ATP11A: variants seen among roughly 807,000 people sequenced by gnomAD.
ATP11A encodes the protein phospholipid-transporting ATPase IH.
A neutral mutation model predicts 154.4 loss-of-function variants in ATP11A; 81 were observed. That is an observed-to-expected ratio of 0.52 (90% CI 0.44 to 0.63). ATP11A has a LOEUF of 0.63. Ranked by LOEUF, ATP11A falls within the 30% of genes least tolerant of loss-of-function variation. The pLI, the probability that ATP11A is intolerant of heterozygous loss-of-function variation, is 0.00. For synonymous variants in ATP11A, 623 were observed against 585.9 expected (o/e 1.06, Z -0.91); for missense variants, 1,316 against 1,474.3 (o/e 0.89, Z 1.76).
intron 1 of ATP11A, among the ~76,000 whole-genome samples, chr13:112,759,993 G>A (rs1022285577): frequency 2.0e-5 from 3 of 152,128 alleles, no homozygotes; most frequent in African/African-American, 7.2e-5. Flanking sequence ...AACTGGACAG[G>A]AACCGAAGGA....
At chr13:112,756,850 C>T (rs144409600) in intron 1 of ATP11A, among the ~76,000 whole-genome samples, 2 of 127,416 alleles carry the variant, frequency 1.6e-5, no homozygotes, top group African/African-American at 2.8e-5. Flanking sequence ...GCTCCCAGCG[C>T]GGGGTCTGCT....
intron 25 of ATP11A, among the ~76,000 whole-genome samples, chr13:112,866,020 G>C (rs947493006): frequency 6.6e-6 from 1 of 152,246 alleles, no homozygotes; most frequent in Admixed American, 6.5e-5. Flanking sequence ...GTCTTCCTCT[G>C]TGATGAGTAG....
At chr13:112,762,847 C>T (rs761874132) in intron 1 of ATP11A, among the ~76,000 whole-genome samples, 2 of 152,270 alleles carry the variant, frequency 1.3e-5, no homozygotes, top group Non-Finnish European at 2.9e-5. Flanking sequence ...CCGGGGCACT[C>T]AGTCACGTGT....
In ATP11A at chr13:112,882,748, G is replaced by A. The variant is rs1453617808; in HGVS notation, c.*882G>A. ...TCCATCAGCCACTCGCCAGGGCACGGAGCCGTCAGTCCACTGTTACGGGAG... is the reference window on the plus strand; with the variant it reads ...TCCATCAGCCACTCGCCAGGGCACGAAGCCGTCAGTCCACTGTTACGGGAG... On this transcript the variant is annotated 3_prime_UTR_variant, in exon 30 of 30. Transcript: ENST00000375645. This position sits in a 1 kb window ranked among gnomAD's most constrained non-coding sequence, Gnocchi z 5.1. 5.0e-6 allele frequency: 2 copies of A among 400,020 alleles called. No individual in the cohort carries two copies. Among genetic ancestry groups the A allele is most frequent in the African/African-American group, 2.1e-5 (1 of 48,646 alleles). The allele number at this position is 400,020 out of a possible 1,614,324, so 24.8% of individuals were successfully genotyped here.
At chr13:112,858,514 C>CA (rs1169450031) in intron 22 of ATP11A, 3 of 466,564 alleles carry the variant, frequency 6.4e-6, no homozygotes, top group Admixed American at 7.8e-5. Context: ...CCAAAAATAT[C>CA]AAACGCAAAA....
In ATP11A at chr13:112,804,994, A is replaced by G; in HGVS notation, c.200A>G (p.Glu67Gly). ...FWNFIPKNLF[E>G]QFRRVANFYF... ...AACTTTATACCCAAGAATTTATTTG[A>G]ACAATTCAGAAGAGTAGCCAACTTT... The change falls in exon 3 of 30, where the codon GAA becomes GGA. Residue 67 changes from glutamate to glycine, a missense_variant. Physicochemically the swap from Glu to Gly is moderately conservative, Grantham distance 98. This residue lies in a region of ATP11A where 123 missense variants were observed against 113.7 expected (regional missense o/e 1.08). Coordinates refer to ENST00000375645, the MANE Select transcript of ATP11A (RefSeq NM_015205.3). 6.2e-7 allele frequency: 1 copy of G among 1,611,824 alleles called. No individual in the cohort carries two copies. The highest frequency in any genetic ancestry group is 8.5e-7 in the Non-Finnish European group (1 of 1,179,216).
intron 8 of ATP11A, 114 bp from the exon 9 acceptor site, chr13:112,823,231 C>G: frequency 5.1e-6 from 4 of 779,964 alleles, no homozygotes; most frequent in African/African-American, 3.4e-5. Context: ...ATGCCATCTC[C>G]TCTGAAAATG....
intron 11 of ATP11A, 39 bp downstream of exon 11, chr13:112,825,619 C>T: frequency 1.3e-6 from 2 of 1,553,842 alleles, no homozygotes; most frequent in African/African-American, 2.8e-5. Flanking sequence ...CCGAGGTGAC[C>T]TGTGGGCCAT....
rs1490358265 is a variant in ATP11A at position 112,838,866 on chromosome 13, T to C, written c.1705+2615T>C. Among the ~76,000 whole-genome samples, 3 of 152,176 alleles carry C rather than the reference T, an allele frequency of 2.0e-5. No homozygotes were observed. The South Asian group carries it at 6.2e-4, about 32-fold the overall frequency. ...CAAGGTGTTCTGTAAGTAGTAGTCA[T>C]CCCCGGAGAGGTTCACTAATTGCAC... On this transcript the variant is annotated intron_variant, in intron 16 of 29. Transcript: ENST00000375645. The surrounding 1 kb of genome is among the most constrained non-coding windows in gnomAD (Gnocchi z 7.3).
chr13:112,874,223 G>A (rs1440605175), intron 27 of ATP11A, among the ~76,000 whole-genome samples: 3 of 152,186 alleles, frequency 2.0e-5, no homozygotes, highest in Non-Finnish European at 4.4e-5. Context: ...CAGCAGGCAC[G>A]CAGGCCCGGG....
intron 1 of ATP11A, among the ~76,000 whole-genome samples, chr13:112,781,774 T>G (rs2077505203): frequency 7.4e-6 from 1 of 135,366 alleles, no homozygotes. Flanking sequence ...ATAAACTTGC[T>G]TTCACTTTGC....
At position 112,826,820 on chromosome 13, in the gene ATP11A, G is replaced by A. The variant is rs762460091; in HGVS notation, c.1150G>A (p.Asp384Asn). ...LGSYFITWDE[D>N]MFDEETGEGP... is the part of the protein sequence containing the mutation. ...CTCTTACTTCATCACCTGGGACGAA[G>A]ACATGTTTGACGAGGAGACTGGCGA... Residue 384 changes from aspartate (D) to asparagine (N), a missense_variant, in exon 12 of 30, where the codon GAC (aspartate) becomes AAC (asparagine). Coordinates refer to ENST00000375645, the MANE Select transcript of ATP11A (RefSeq NM_015205.3). 9.9e-6 allele frequency: 16 copies of A among 1,614,074 alleles called. No individual in the cohort carries two copies. The highest frequency in any genetic ancestry group is 1.4e-5 in the Non-Finnish European group (16 of 1,180,056).
At position 112,881,893 on chromosome 13, in the gene ATP11A, C is replaced by T. The variant is rs368676585; in HGVS notation, c.*27C>T. The T allele has an allele frequency of 3.9e-5, 53 of 1,367,690 alleles. No individual in the cohort carries two copies. The highest frequency in any genetic ancestry group is 9.5e-5 in the Admixed American group (5 of 52,578). 84.7% of individuals were successfully genotyped at this position (1,367,690 alleles called of 1,614,324 possible). On this transcript the variant is annotated 3_prime_UTR_variant, in exon 30 of 30. Transcript: ENST00000375645. ...CTCTGCAGAGCCCAGGCTACCAGAG[C>T]ACCTGTCCCTCGGCCGCCTGGTACA... is the stretch of plus-strand genomic sequence containing the variant.
At chr13:112,781,161 C>T (rs187285863) in intron 1 of ATP11A, among the ~76,000 whole-genome samples, 2 of 152,276 alleles carry the variant, frequency 1.3e-5, no homozygotes, top group East Asian at 3.9e-4. Context: ...CCTCAGCCTC[C>T]CAAGTAGGTA....
chr13:112,709,440 A>G (rs560227551), intron 1 of ATP11A, among the ~76,000 whole-genome samples: 2 of 152,328 alleles, frequency 1.3e-5, no homozygotes, highest in Admixed American at 1.3e-4. Flanking sequence ...TTCCAGGTCC[A>G]GGCAATAATC....
intron 5 of ATP11A, among the ~76,000 whole-genome samples, chr13:112,813,148 G>A (rs1170743375): frequency 1.3e-5 from 2 of 152,210 alleles, no homozygotes; most frequent in African/African-American, 2.4e-5. Flanking sequence ...TCCATCGGTC[G>A]TAATGGCTCA....
intron 25 of ATP11A, among the ~76,000 whole-genome samples, chr13:112,867,181 A>G (rs1194553442): frequency 6.6e-6 from 1 of 152,116 alleles, no homozygotes; most frequent in East Asian, 1.9e-4. Context: ...TCTCACAAAC[A>G]CCACCCTGGT....
chr13:112,829,242 G>T (rs282621), intron 12 of ATP11A, among the ~76,000 whole-genome samples: 1 of 152,192 alleles, frequency 6.6e-6, no homozygotes, highest in Non-Finnish European at 1.5e-5. Context: ...TGGCAGCATT[G>T]ACCAGCACTG....
At chr13:112,873,786 G>A (rs937056633) in intron 27 of ATP11A, 110 bp downstream of exon 27, 29 of 1,080,460 alleles carry the variant, frequency 2.7e-5, no homozygotes, top group Middle Eastern at 2.6e-4. Flanking sequence ...TGGGGCAAGT[G>A]TTTGTTGAAT....
Sources: allele counts gnomAD v4.1 joint callset (sites outside exome capture counted in the v4.1 genomes callset), GRCh38; gene constraint gnomAD v4.1.1; regional missense constraint gnomAD v4.1.1; non-coding constraint Gnocchi (gnomAD v3.1); transcripts MANE v1.5; gene names NCBI Gene and HGNC (gene_info 2026-07-23, HGNC 2026-07-21).